The following TMEFF2 variants were observed in gnomAD, a reference collection of about 807,000 sequenced individuals.
TMEFF2 encodes tomoregulin-2.
A neutral mutation model predicts 53.8 loss-of-function variants in TMEFF2; 28 were observed. That is an observed-to-expected ratio of 0.52 (90% CI 0.39 to 0.71). TMEFF2 has a LOEUF of 0.71. Ranked by LOEUF, TMEFF2 falls within the 30% of genes least tolerant of loss-of-function variation. TMEFF2 has a pLI of 0.00. For missense variants in TMEFF2, 353 were observed against 455.2 expected (o/e 0.78, Z 2.04); for synonymous variants, 162 against 166.3 (o/e 0.97, Z 0.20).
chr2:192,159,032 A>G (rs1045786548), intron 4 of TMEFF2, among the ~76,000 whole-genome samples: 1 of 152,062 alleles, frequency 6.6e-6, no homozygotes. Context: ...TCACTCTCTC[A>G]AAGGACTAGA....
chr2:191,989,318 C>T (rs559416735), intron 7 of TMEFF2, among the ~76,000 whole-genome samples: 1 of 152,162 alleles, frequency 6.6e-6, no homozygotes, highest in South Asian at 2.1e-4. Context: ...AAACTCAGAC[C>T]AAGGATGGTC....
intron 8 of TMEFF2, among the ~76,000 whole-genome samples, chr2:191,955,903 G>T (rs972702394): frequency 2.8e-4 from 43 of 152,222 alleles, no homozygotes; most frequent in African/African-American, 1.0e-3. Flanking sequence ...CCATTCATTT[G>T]TCTGATAAAT....
At chr2:191,988,232 G>A (rs976927750) in intron 7 of TMEFF2, among the ~76,000 whole-genome samples, 12 of 152,160 alleles carry the variant, frequency 7.9e-5, no homozygotes, top group African/African-American at 2.9e-4. Context: ...TTACAGATAA[G>A]TTTCCCTGGT....
At chr2:192,179,561 C>G in intron 4 of TMEFF2, 107 bp downstream of exon 4, 4 of 1,287,512 alleles carry the variant, frequency 3.1e-6, no homozygotes, top group Non-Finnish European at 4.2e-6. Flanking sequence ...TCCTAAAATG[C>G]AAAATATGAA....
At chr2:191,989,105 CAGA>C (rs1427779695) in intron 7 of TMEFF2, among the ~76,000 whole-genome samples, 1 of 152,116 alleles carries the variant, frequency 6.6e-6, no homozygotes, top group African/African-American at 2.4e-5. Context: ...TTTCCCATTG[CAGA>C]AGGACATAGC....
intron 4 of TMEFF2, among the ~76,000 whole-genome samples, chr2:192,114,765 TAAAAG>T (rs1042787752): frequency 6.6e-6 from 1 of 151,784 alleles, no homozygotes; most frequent in African/African-American, 2.4e-5. Context: ...AAAACATGGA[TAAAAG>T]AAATTATAGA....
chr2:192,173,172 A>C (rs1286032179), intron 4 of TMEFF2, among the ~76,000 whole-genome samples: 1 of 151,850 alleles, frequency 6.6e-6, no homozygotes, highest in African/African-American at 2.4e-5. Context: ...GAAATAATAA[A>C]TGCATAAGGT....
At chr2:192,103,515 T>G (rs1689080645) in intron 4 of TMEFF2, among the ~76,000 whole-genome samples, 1 of 152,150 alleles carries the variant, frequency 6.6e-6, no homozygotes, top group Non-Finnish European at 1.5e-5. Context: ...AACTAGGACT[T>G]GGATCTAGCC....
intron 2 of TMEFF2, among the ~76,000 whole-genome samples, chr2:192,191,141 T>A (rs1470203493): frequency 6.6e-6 from 1 of 152,188 alleles, no homozygotes; most frequent in Non-Finnish European, 1.5e-5. Context: ...CTAATGACTA[T>A]ACTAATGACA....
chr2:192,072,170 C>G (rs1688307465), intron 4 of TMEFF2, among the ~76,000 whole-genome samples: 1 of 151,916 alleles, frequency 6.6e-6, no homozygotes, highest in Non-Finnish European at 1.5e-5. Context: ...TAGGAAGAAA[C>G]TGTTGGAACA....
intron 5 of TMEFF2, among the ~76,000 whole-genome samples, chr2:192,003,915 T>TTG (rs140281152): frequency 0.22 from 9,018 of 40,582 alleles, 616 homozygotes; most frequent in South Asian, 0.32. Context: ...GTGAAAAAAT[T>TTG]TGTGTGTGTG....
At position 192,128,627 on chromosome 2, in the gene TMEFF2, C is replaced by T. The variant is rs117459684; in HGVS notation, c.439+51041G>A. 5.7e-3 allele frequency among the ~76,000 whole-genome samples: 872 copies of T among 152,228 alleles called. 23 individuals are homozygous for T. The highest frequency in any genetic ancestry group is 0.048 in the Admixed American group (729 of 15,296). On this transcript the variant is annotated intron_variant, in intron 4 of 9. Coordinates refer to ENST00000272771, the MANE Select transcript of TMEFF2 (RefSeq NM_016192.4). ...ACTCACTTTTAATAGGAAGAAAGTG[C>T]TGGAACAGTCAGCTTTAGTAAGGCT...
At chr2:192,108,155 C>T (rs1255935135) in intron 4 of TMEFF2, among the ~76,000 whole-genome samples, 16 of 151,762 alleles carry the variant, frequency 1.1e-4, no homozygotes, top group Admixed American at 9.2e-4. Context: ...AGGCAATTAA[C>T]TCTGATATTT....
intron 7 of TMEFF2, among the ~76,000 whole-genome samples, chr2:191,970,866 A>T (rs531288073): frequency 6.6e-6 from 1 of 152,184 alleles, no homozygotes; most frequent in Non-Finnish European, 1.5e-5. Context: ...TTCCCAGCAT[A>T]AATTATTAAT....
In TMEFF2 at chr2:191,950,060, G is replaced by T; in HGVS notation, c.*251C>A. On this transcript the variant is annotated 3_prime_UTR_variant, in exon 10 of 10. Transcript: ENST00000272771. The stretch of plus-strand genomic sequence containing the variant: ...TATTTATTATATATAACAAATACAT[G>T]GGAAAGAAAAAACTATATTGTGTGA... 8.3e-7 allele frequency: 1 copy of T among 1,201,572 alleles called. No homozygotes were observed. Among genetic ancestry groups the T allele is most frequent in the Non-Finnish European group, 1.0e-6 (1 of 959,378 alleles). The allele number at this position is 1,201,572 out of a possible 1,614,324, so 74.4% of individuals were successfully genotyped here.
At chr2:192,050,914 G>A (rs1687753426) in intron 5 of TMEFF2, among the ~76,000 whole-genome samples, 1 of 152,172 alleles carries the variant, frequency 6.6e-6, no homozygotes, top group African/African-American at 2.4e-5. Context: ...AATTCTGAGT[G>A]GAAAGATATG....
chr2:192,058,577 T>C (rs7585423), intron 4 of TMEFF2, among the ~76,000 whole-genome samples: 22,025 of 152,096 alleles, frequency 0.14, 1,854 homozygotes, highest in East Asian at 0.37. Context: ...ACAGTGTAAA[T>C]TGAGAAAAAA....
intron 5 of TMEFF2, among the ~76,000 whole-genome samples, chr2:192,049,101 T>C (rs1418222014): frequency 1.3e-5 from 2 of 152,168 alleles, no homozygotes; most frequent in Non-Finnish European, 2.9e-5. Flanking sequence ...TGTTTTCCCA[T>C]TAAAACATGT....
At chr2:192,103,986 T>A (rs1044381820) in intron 4 of TMEFF2, among the ~76,000 whole-genome samples, 1 of 151,942 alleles carries the variant, frequency 6.6e-6, no homozygotes, top group African/African-American at 2.4e-5. Flanking sequence ...ACCGGGAGTT[T>A]TGAGAGGACT....
Sources: gnomAD v4.1 joint callset for allele counts (sites outside exome capture counted in the v4.1 genomes callset) on GRCh38, gnomAD v4.1.1 for gene constraint, MANE v1.5 for transcripts, NCBI Gene and HGNC (gene_info 2026-07-23, HGNC 2026-07-21) for gene names.